The following BBOX1 variants were observed in gnomAD, a reference collection of about 807,000 sequenced individuals.
BBOX1 encodes gamma-butyrobetaine dioxygenase.
In BBOX1, 35 loss-of-function variants were observed where a neutral mutation model predicts 41.6. That is an observed-to-expected ratio of 0.84 (90% CI 0.64 to 1.11). The LOEUF (loss-of-function observed/expected upper bound fraction) is 1.11, where lower values mean the gene tolerates loss of function less well. Among genes scored for constraint, BBOX1 ranks in the 50% most tolerant of loss-of-function variants. BBOX1 has a pLI of 0.00. For missense variants in BBOX1, 458 were observed against 460.6 expected (o/e 0.99, Z 0.05); for synonymous variants, 163 against 154.7 (o/e 1.05, Z -0.40).
chr11:27,050,738 C>T (rs999366193), intron 2 of BBOX1, among the ~76,000 whole-genome samples: 1 of 152,038 alleles, frequency 6.6e-6, no homozygotes, highest in African/African-American at 2.4e-5. Context: ...GTTTTTTCTG[C>T]AGTCTTTAGG....
chr11:27,119,118 CT>C (rs1222049476), intron 6 of BBOX1, among the ~76,000 whole-genome samples: 2 of 151,970 alleles, frequency 1.3e-5, no homozygotes, highest in African/African-American at 4.8e-5. Context: ...CTGATTCACT[CT>C]TTCTATTTAT....
chr11:27,081,827 T>C (rs1295641609), intron 4 of BBOX1, among the ~76,000 whole-genome samples: 6 of 152,214 alleles, frequency 3.9e-5, no homozygotes, highest in Non-Finnish European at 7.3e-5. Flanking sequence ...CATTTTTTCA[T>C]ATGTCTGTTG....
chr11:27,075,013 G>A (rs1320204133), intron 4 of BBOX1, among the ~76,000 whole-genome samples: 3 of 152,234 alleles, frequency 2.0e-5, no homozygotes, highest in Non-Finnish European at 4.4e-5. Context: ...CGTGGCTAAT[G>A]TGGTACCTTG....
intron 4 of BBOX1, among the ~76,000 whole-genome samples, chr11:27,064,205 G>GT (rs1286626714): frequency 1.3e-5 from 2 of 151,740 alleles, no homozygotes; most frequent in African/African-American, 2.4e-5. Context: ...GTGGGTTGTT[G>GT]TTTTTTTTCA....
intron 4 of BBOX1, among the ~76,000 whole-genome samples, chr11:27,082,005 T>C (rs1417471433): frequency 6.6e-6 from 1 of 152,126 alleles, no homozygotes; most frequent in Non-Finnish European, 1.5e-5. Context: ...ATTCTGTAGG[T>C]TGCCTGTTCA....
chr11:27,101,128 T>C (rs550800138), intron 5 of BBOX1, among the ~76,000 whole-genome samples: 1 of 152,256 alleles, frequency 6.6e-6, no homozygotes, highest in Non-Finnish European at 1.5e-5. Context: ...CTTTATACCA[T>C]GCTACTATGG....
chr11:27,084,128 GGGGTAGGCAT>G (rs1857947825), intron 4 of BBOX1, among the ~76,000 whole-genome samples: 1 of 152,132 alleles, frequency 6.6e-6, no homozygotes, highest in Admixed American at 6.6e-5. Context: ...CAACCAAAAA[GGGGTAGGCAT>G]GGGTAGCCTG....
chr11:27,127,103 A>G (rs1859692133), intron 8 of BBOX1, among the ~76,000 whole-genome samples, 190 bp from the exon 9 acceptor site: 1 of 152,188 alleles, frequency 6.6e-6, no homozygotes, highest in Non-Finnish European at 1.5e-5. Context: ...TAATTGTCAT[A>G]AGGTCTAAAG....
At chr11:27,091,591 A>C (rs1858246396) in intron 4 of BBOX1, among the ~76,000 whole-genome samples, 1 of 151,912 alleles carries the variant, frequency 6.6e-6, no homozygotes, top group Non-Finnish European at 1.5e-5. Context: ...GACTTGGTTA[A>C]TATTAAATTC....
At chr11:27,057,010 G>A (rs1856999937) in intron 3 of BBOX1, among the ~76,000 whole-genome samples, 191 bp from the exon 4 acceptor site, 1 of 132,692 alleles carries the variant, frequency 7.5e-6, no homozygotes, top group South Asian at 2.4e-4. Context: ...AGGTTGCAGT[G>A]AGCCGAGATT....
At chr11:27,053,046 A>G (rs888795204) in intron 2 of BBOX1, among the ~76,000 whole-genome samples, 5 of 152,188 alleles carry the variant, frequency 3.3e-5, no homozygotes, top group African/African-American at 1.2e-4. Context: ...CTGACAAAAT[A>G]TTTCCTAGTC....
In BBOX1 at chr11:27,071,494, G is replaced by A. The variant is rs376408293; in HGVS notation, c.334+14179G>A. ...TCTCATGTCAAATTGTAATCCACAC[G>A]TGTGAGGAGAGGCCTGGTGGGAGGC... On this transcript the variant is annotated intron_variant, in intron 4 of 8. Transcript: ENST00000263182. Among the ~76,000 whole-genome samples, 16 of 152,004 alleles carry A rather than the reference G, an allele frequency of 1.1e-4. No homozygotes were observed. The East Asian group carries it at 1.7e-3, about 17-fold the overall frequency.
At chr11:27,078,336 A>G (rs188892077) in intron 4 of BBOX1, among the ~76,000 whole-genome samples, 1,754 of 151,444 alleles carry the variant, frequency 0.012, 13 homozygotes, top group Non-Finnish European at 0.018. Context: ...CTTTTTTTTA[A>G]TTATACTTTA....
At chr11:27,111,137 G>A (rs1859046597) in intron 5 of BBOX1, among the ~76,000 whole-genome samples, 1 of 151,316 alleles carries the variant, frequency 6.6e-6, no homozygotes. Flanking sequence ...TCATTTTGTG[G>A]TACATAGACA....
At chr11:27,111,036 TA>T (rs1428725314) in intron 5 of BBOX1, among the ~76,000 whole-genome samples, 2 of 151,654 alleles carry the variant, frequency 1.3e-5, no homozygotes, top group Non-Finnish European at 2.9e-5. Context: ...GAGTTGCAAG[TA>T]ACCTTAGTTC....
At chr11:27,092,933 T>C (rs530798339) in intron 4 of BBOX1, among the ~76,000 whole-genome samples, 9 of 152,016 alleles carry the variant, frequency 5.9e-5, no homozygotes, top group Non-Finnish European at 1.0e-4. Flanking sequence ...AAATGGGGCA[T>C]ATTGAATACC....
chr11:27,115,898 T>G (rs1165913006), intron 6 of BBOX1, among the ~76,000 whole-genome samples: 1 of 151,934 alleles, frequency 6.6e-6, no homozygotes, highest in African/African-American at 2.4e-5. Flanking sequence ...TCTAAGAAAG[T>G]TAAGAGAGAA....
intron 5 of BBOX1, among the ~76,000 whole-genome samples, chr11:27,113,802 TA>T (rs1392520109): frequency 7.2e-6 from 1 of 139,316 alleles, no homozygotes; most frequent in African/African-American, 2.6e-5. Flanking sequence ...CCCCTGAACC[TA>T]AAAGTAAAAA....
Position 27,064,062 on chromosome 11 carries a change from G to A in BBOX1, c.334+6747G>A, listed in dbSNP as rs115283547. On this transcript the variant is annotated intron_variant, in intron 4 of 8. Coordinates refer to ENST00000263182, the MANE Select transcript of BBOX1 (RefSeq NM_003986.3). ...ATATGCCTCGCCCATGTGATATTTT[G>A]CCCCCATCTCTAAGCCTTGCTACAT... Among the ~76,000 whole-genome samples the A allele has an allele frequency of 6.3e-3, 958 of 152,222 alleles. 13 individuals are homozygous for A. The highest frequency in any genetic ancestry group is 0.022 in the African/African-American group (904 of 41,550).
Sources: allele counts gnomAD v4.1 joint callset (sites outside exome capture counted in the v4.1 genomes callset), GRCh38; gene constraint gnomAD v4.1.1; transcripts MANE v1.5; gene names NCBI Gene and HGNC (gene_info 2026-07-23, HGNC 2026-07-21).